MICAL2: variants seen among roughly 807,000 people sequenced by gnomAD.
MICAL2 encodes the protein [F-actin]-monooxygenase MICAL2.
Under a neutral mutation model 127.3 loss-of-function variants are expected in MICAL2, and 77 were observed. The ratio of observed to expected loss-of-function variants is 0.60; its 90% CI spans 0.50 to 0.73. The LOEUF (loss-of-function observed/expected upper bound fraction) is 0.73. Ranked by LOEUF, MICAL2 falls within the 30% of genes least tolerant of loss-of-function variation. The pLI, the probability that MICAL2 is intolerant of heterozygous loss-of-function variation, is 0.00. For synonymous variants in MICAL2, 570 were observed against 551.1 expected, an observed-to-expected ratio of 1.03 and a Z score of -0.48; for missense variants, 1,351 against 1,434.4, an observed-to-expected ratio of 0.94 and a Z score of 0.94.
At chr11:12,262,398 G>A in intron 26 of MICAL2, 82 bp from the exon 27 acceptor site, 1 of 1,601,454 alleles carries the variant, frequency 6.2e-7, no homozygotes, top group African/African-American at 1.3e-5. Flanking sequence ...TTCTCGTGAT[G>A]TTAATCATTT....
At chr11:12,293,763 C>G (rs1230884170), downstream of MICAL2, 2 of 1,613,858 alleles carry the variant, frequency 1.2e-6, no homozygotes, top group Non-Finnish European at 1.7e-6. Context: ...GAGATGACTT[C>G]TGATGAGTGC....
At chr11:12,337,760 G>T (rs968613435) in intron 32 of MICAL2, among the ~76,000 whole-genome samples, 1 of 151,908 alleles carries the variant, frequency 6.6e-6, no homozygotes, top group Non-Finnish European at 1.5e-5. Flanking sequence ...GTAGTTGAGT[G>T]GTTTTGAGTG....
intron 2 of MICAL2, among the ~76,000 whole-genome samples, chr11:12,282,676 T>C (rs1345840489): frequency 1.3e-5 from 2 of 152,206 alleles, no homozygotes; most frequent in Non-Finnish European, 1.5e-5. Context: ...GTTACTCTCA[T>C]TGTTTATGAG....
At position 12,191,424 on chromosome 11, in the gene MICAL2, A is replaced by T. The variant is rs544378274; in HGVS notation, c.265-12826A>T. Among the ~76,000 whole-genome samples, 3 of 150,448 alleles carry T rather than the reference A, an allele frequency of 2.0e-5. No individual in the cohort carries two copies. The East Asian group carries it at 5.8e-4, about 29-fold the overall frequency. On this transcript the variant is annotated intron_variant, in intron 3 of 27. Transcript: ENST00000683283. ...AAGGCGGAGGTTGCAGTGAGCCAAG[A>T]TCATGCCATTGCACTCCAGCCCGGG...
At chr11:12,148,873 C>T (rs1267433418) in intron 2 of MICAL2, among the ~76,000 whole-genome samples, 1 of 152,186 alleles carries the variant, frequency 6.6e-6, no homozygotes, top group Non-Finnish European at 1.5e-5. Flanking sequence ...GGATGCAGCC[C>T]AGCCAGGCGT....
At chr11:12,354,900 G>C (rs868757563) in intron 34 of MICAL2, 2 of 1,579,230 alleles carry the variant, frequency 1.3e-6, no homozygotes, top group Middle Eastern at 3.3e-4. Flanking sequence ...CCCCTAGAAA[G>C]GCTCCTGAGC....
At chr11:12,283,257 G>C (rs1470750247) in intron 2 of MICAL2, among the ~76,000 whole-genome samples, 1 of 149,856 alleles carries the variant, frequency 6.7e-6, no homozygotes, top group African/African-American at 2.5e-5. Flanking sequence ...TTCTCACCTG[G>C]ATAAATGCCT....
chr11:12,323,914 A>T, intron 30 of MICAL2: 10 of 1,544,776 alleles, frequency 6.5e-6, no homozygotes, highest in Non-Finnish European at 8.8e-6. Flanking sequence ...GCCTATAACG[A>T]TATTTTGTAA....
rs188851301 is a variant in MICAL2 at position 12,216,396 on chromosome 11, G to A, written c.948+77G>A. On this transcript the variant is annotated intron_variant, in intron 8 of 27. Coordinates refer to ENST00000683283, the MANE Select transcript of MICAL2 (RefSeq NM_001282663.2). ...ATCAGCAGGTGTGAAGGCAGATGTC[G>A]TCCTGCCAGAAACTGAGCGAGGGGA... The A allele has an allele frequency of 5.4e-4, 615 of 1,138,728 alleles. 5 individuals carry two copies. The highest frequency in any genetic ancestry group is 5.0e-3 in the Middle Eastern group (26 of 5,152). The allele number at this position is 1,138,728 out of a possible 1,614,324, so 70.5% of individuals were successfully genotyped here. A position where few individuals can be genotyped will look rare whatever the true frequency, so the allele number is the denominator to read the frequency against.
chr11:12,299,918 A>C lies in MICAL2; in HGVS notation c.5212+5061A>C, dbSNP rs1251251169. Among the ~76,000 whole-genome samples, 3 of 152,186 alleles carry C rather than the reference A, an allele frequency of 2.0e-5. No individual in the cohort carries two copies. In the East Asian group the frequency reaches 5.8e-4, roughly 29 times the overall value. ...ATTTTATTTGGTTTTACTTTATAAA[A>C]ATTGAATCATTCATTATTGTGGTAG... On this transcript the variant is annotated intron_variant, in intron 29 of 34. Coordinates refer to the MICAL2 transcript ENST00000646065.
intron 15 of MICAL2, among the ~76,000 whole-genome samples, chr11:12,232,550 C>T (rs1858433828): frequency 6.6e-6 from 1 of 152,134 alleles, no homozygotes; most frequent in Non-Finnish European, 1.5e-5. Context: ...AAGTGAAACC[C>T]TGTCTCTACT....
chr11:12,207,214 C>G (rs1854813102), intron 4 of MICAL2, among the ~76,000 whole-genome samples: 1 of 152,180 alleles, frequency 6.6e-6, no homozygotes, highest in African/African-American at 2.4e-5. Context: ...TCACCCTCCC[C>G]CAACCACCAT....
In MICAL2 at chr11:12,263,714, AAAAC is replaced by A. The variant is rs1863420924; in HGVS notation, c.*179_*182del. 1 of 152,676 alleles carries A rather than the reference AAAAC, an allele frequency of 6.5e-6. No homozygotes were observed. Among genetic ancestry groups the A allele is most frequent in the African/African-American group, 2.4e-5 (1 of 41,452 alleles). 9.5% of individuals were successfully genotyped at this position (152,676 alleles called of 1,614,324 possible). Reference sequence around the variant, plus strand: ...CGGAACCCTGTATTTTGCACACAGCAAAACAAACAATGTTTAGCTTTATTTATGG... The same window carrying A: ...CGGAACCCTGTATTTTGCACACAGCAAAACAATGTTTAGCTTTATTTATGG... On this transcript the variant is annotated 3_prime_UTR_variant, in exon 28 of 28. Transcript: ENST00000683283.
At chr11:12,308,019 A>G (rs1355849556) in intron 29 of MICAL2, 1 of 152,254 alleles carries the variant, frequency 6.6e-6, no homozygotes, top group Non-Finnish European at 1.5e-5. Flanking sequence ...AGTAGCTGGG[A>G]CTGCAGGCAC....
chr11:12,329,061 T>C (rs1732900762), intron 32 of MICAL2, among the ~76,000 whole-genome samples: 2 of 152,244 alleles, frequency 1.3e-5, no homozygotes, highest in African/African-American at 4.8e-5. Flanking sequence ...ATAATACTTG[T>C]TACTTGTATT....
chr11:12,150,766 G>A (rs1019642925), intron 2 of MICAL2, among the ~76,000 whole-genome samples: 3 of 152,252 alleles, frequency 2.0e-5, no homozygotes, highest in East Asian at 1.9e-4. Context: ...AGAGGGTGCC[G>A]GGCAGAGACT....
chr11:12,313,961 A>ATT (rs60681621), intron 29 of MICAL2, among the ~76,000 whole-genome samples: 10,574 of 43,532 alleles, frequency 0.24, 1,566 homozygotes, highest in East Asian at 0.41. Context: ...TCTTGGTCTG[A>ATT]TTTTTTTTTT....
intron 2 of MICAL2, among the ~76,000 whole-genome samples, chr11:12,281,323 A>C (rs1863768510): frequency 6.6e-6 from 1 of 152,118 alleles, no homozygotes; most frequent in Admixed American, 6.5e-5. Context: ...CCCAGTGGGG[A>C]AGACATCACG....
intron 22 of MICAL2, chr11:12,254,830 G>A (rs546055531): frequency 6.6e-6 from 1 of 151,766 alleles, no homozygotes; most frequent in East Asian, 1.9e-4. Context: ...AGGACTAAAA[G>A]GCTTTTGGTT....
Sources: allele counts gnomAD v4.1 joint callset (sites outside exome capture counted in the v4.1 genomes callset), GRCh38; gene constraint gnomAD v4.1.1; transcripts MANE v1.5; gene names NCBI Gene and HGNC (gene_info 2026-07-23, HGNC 2026-07-21).